Variants in ZIM2 observed in about 807,000 individuals in gnomAD.
ZIM2 encodes zinc finger imprinted 2.
In ZIM2, 14 loss-of-function variants were observed where a neutral mutation model predicts 38.6. The ratio of observed to expected loss-of-function variants is 0.36; its 90% confidence interval spans 0.24 to 0.57. The LOEUF (loss-of-function observed/expected upper bound fraction) is 0.57, where lower values mean the gene tolerates loss of function less well. Ranked by LOEUF, ZIM2 falls within the 20% of genes least tolerant of loss-of-function variation. The pLI is 0.81. For synonymous variants in ZIM2, 247 were observed against 245.8 expected, an observed-to-expected ratio of 1.00 and a Z score of -0.04; for missense variants, 680 against 695.1, an observed-to-expected ratio of 0.98 and a Z score of 0.24.
chr19:56,810,900 A>G, intron 9 of ZIM2: 1 of 963,592 alleles, frequency 1.0e-6, no homozygotes, highest in Non-Finnish European at 1.2e-6. Flanking sequence ...AGACACACAT[A>G]ATACACTGTT....
At position 56,775,378 on chromosome 19, in the gene ZIM2, T is replaced by G; in HGVS notation, c.987A>C (p.Ser329=). ...FERSSNLSKQ[S]KDPLGKDPQE... ...GGGGATCCTTTCCTAGAGGATCCTT[T>G]GATTGTTTACTAAGATTAGAGCTTC... The change falls in exon 13 of 13, where the codon TCA becomes TCC. Residue 329 remains serine (S), a synonymous_variant. Transcript: ENST00000629319. The G allele has an allele frequency of 6.2e-7, 1 of 1,614,174 alleles. No homozygotes were observed.
At chr19:56,790,232 C>T (rs1385451156) in intron 9 of ZIM2, among the ~76,000 whole-genome samples, 1 of 152,146 alleles carries the variant, frequency 6.6e-6, no homozygotes. Flanking sequence ...CCTCACTGTC[C>T]AGTCAAGATC....
chr19:56,775,673 A>T, intron 12 of ZIM2, 144 bp from the exon 13 acceptor site: 1 of 1,404,046 alleles, frequency 7.1e-7, no homozygotes, highest in East Asian at 2.4e-5. Context: ...AAAAAAGTAA[A>T]AATTCCTCTA....
At chr19:56,788,568 T>A (rs1335458064) in intron 10 of ZIM2, among the ~76,000 whole-genome samples, 1 of 152,224 alleles carries the variant, frequency 6.6e-6, no homozygotes. Flanking sequence ...TCTCTCTGAC[T>A]GCACTTAACA....
rs2060302083 is a variant in ZIM2 at position 56,819,792 on chromosome 19, T to C, written c.295-1090A>G. 2.6e-5 allele frequency among the ~76,000 whole-genome samples: 4 copies of C among 152,174 alleles called. No individual in the cohort carries two copies. In the South Asian group the frequency reaches 8.3e-4, roughly 32 times the overall value. On this transcript the variant is annotated intron_variant, in intron 7 of 12. Coordinates refer to ENST00000629319, the MANE Select transcript of ZIM2 (RefSeq NM_001387356.1). The stretch of plus-strand genomic sequence containing the variant: ...TTATGTAAAGGAAATACAAATGTCT[T>C]GATATTAAATCTACCATAGTTCTAT...
At chr19:56,778,830 C>T (rs558512201) in intron 12 of ZIM2, among the ~76,000 whole-genome samples, 1 of 152,164 alleles carries the variant, frequency 6.6e-6, no homozygotes, top group African/African-American at 2.4e-5. Context: ...TAGACTGTAG[C>T]CATAGAGTTT....
intron 4 of ZIM2, 99 bp from the exon 5 acceptor site, chr19:56,823,778 T>G: frequency 7.4e-7 from 1 of 1,356,710 alleles, no homozygotes; most frequent in South Asian, 1.2e-5. Context: ...CAGACACACA[T>G]GGTTGGAATG....
At chr19:56,817,138 C>T in intron 9 of ZIM2, 1 of 1,614,172 alleles carries the variant, frequency 6.2e-7, no homozygotes, top group Non-Finnish European at 8.5e-7. Flanking sequence ...GGAGGGGGAG[C>T]TGAGGCTGCT....
rs748925617 is a variant in ZIM2, at chr19:56,775,517, T to A, written c.848A>T (p.Asp283Val). ...GCCCTGGTGTGGTTCCAATGGATCA[T>A]CATGAGACTCTCCTGCAGAGACAAT... Reference protein sequence around the residue: ...HTVICQGESHDDPLEPHQGNQ... With the variant: ...HTVICQGESHVDPLEPHQGNQ... The change falls in exon 13 of 13, where the codon GAT (aspartate) becomes GTT (valine). Residue 283 changes from aspartate (D) to valine (V), a missense_variant. Asp to Val is a radical substitution (Grantham distance 152, BLOSUM62 -3). Transcript: ENST00000629319. The A allele has an allele frequency of 9.3e-6, 15 of 1,609,866 alleles. No homozygotes were observed. The highest frequency in any genetic ancestry group is 1.2e-5 in the Non-Finnish European group (14 of 1,178,022).
intron 9 of ZIM2, chr19:56,817,236 G>A: frequency 6.2e-7 from 1 of 1,613,984 alleles, no homozygotes; most frequent in Non-Finnish European, 8.5e-7. Context: ...CGTGAATCGA[G>A]CCCTTCCCAT....
chr19:56,838,354 G>T (rs1443560002), intron 1 of ZIM2, among the ~76,000 whole-genome samples: 1 of 152,148 alleles, frequency 6.6e-6, no homozygotes, highest in Admixed American at 6.5e-5. Context: ...AATCAACCTC[G>T]GGCGCCACCC....
chr19:56,824,106 G>A (rs572418462), intron 4 of ZIM2, among the ~76,000 whole-genome samples, 156 bp downstream of exon 4: 43 of 152,274 alleles, frequency 2.8e-4, no homozygotes, highest in African/African-American at 9.6e-4. Context: ...AGAAAATCAT[G>A]ATGCAGCTCA....
Position 56,837,047 on chromosome 19 carries a change from T to C in ZIM2, c.-313-943A>G, listed in dbSNP as rs371763956. On this transcript the variant is annotated intron_variant, in intron 1 of 12. Coordinates refer to ENST00000629319, the MANE Select transcript of ZIM2 (RefSeq NM_001387356.1). ...GAAGCGTCATATGTGTCACTTTCCC[T>C]ACCTCAAACAAAACAAAAGGGCTGA... Among the ~76,000 whole-genome samples the C allele has an allele frequency of 6.7e-5, 10 of 149,028 alleles. No individual in the cohort carries two copies. The East Asian group carries it at 8.3e-4, about 12-fold the overall frequency.
intron 2 of ZIM2, among the ~76,000 whole-genome samples, chr19:56,835,312 T>C (rs1474210419): frequency 6.6e-6 from 1 of 152,202 alleles, no homozygotes; most frequent in Non-Finnish European, 1.5e-5. Context: ...TTACAAGTCT[T>C]TTCACAATGA....
intron 9 of ZIM2, among the ~76,000 whole-genome samples, chr19:56,795,798 G>A (rs1278678838): frequency 1.3e-5 from 2 of 152,024 alleles, no homozygotes; most frequent in Non-Finnish European, 2.9e-5. Flanking sequence ...CCGAGATCGC[G>A]CCACTGCACT....
intron 9 of ZIM2, chr19:56,816,094 G>A (rs111818906): frequency 3.7e-6 from 6 of 1,609,200 alleles, no homozygotes; most frequent in African/African-American, 2.7e-5. Flanking sequence ...TTCCACAGAG[G>A]CTAAGCTATG....
Position 56,795,061 on chromosome 19 carries a change from T to C in ZIM2, c.491-5110A>G, listed in dbSNP as rs186048505. ...GTGTTTCTTTTTTTTCTTTTCTTTT[T>C]TTTCTTTTTTTGAGGCAGAGTCTCG... On this transcript the variant is annotated intron_variant, in intron 9 of 12. Transcript: ENST00000629319. Among the ~76,000 whole-genome samples, 710 of 151,874 alleles carry C rather than the reference T, an allele frequency of 4.7e-3. 4 individuals carry two copies. Among genetic ancestry groups the C allele is most frequent in the Non-Finnish European group, 6.2e-3 (423 of 68,022 alleles).
At chr19:56,813,662 T>C in intron 9 of ZIM2, 1 of 1,606,646 alleles carries the variant, frequency 6.2e-7, no homozygotes, top group Non-Finnish European at 8.5e-7. Context: ...TTTCTAACCT[T>C]TACCCCATGC....
At chr19:56,802,845 G>C (rs1014095381) in intron 9 of ZIM2, among the ~76,000 whole-genome samples, 1 of 152,206 alleles carries the variant, frequency 6.6e-6, no homozygotes, top group Non-Finnish European at 1.5e-5. Context: ...ATGTGACCAA[G>C]CATTCCAAAA....
Sources: allele counts gnomAD v4.1 joint callset (sites outside exome capture counted in the v4.1 genomes callset), GRCh38; gene constraint gnomAD v4.1.1; transcripts MANE v1.5; gene names NCBI Gene and HGNC (gene_info 2026-07-23, HGNC 2026-07-21).